The following MIPOL1 variants were observed in gnomAD, a reference collection of about 807,000 sequenced individuals.
MIPOL1 encodes mirror-image polydactyly gene 1 protein.
Under a neutral mutation model 60.9 loss-of-function variants are expected in MIPOL1, and 57 were observed. The observed-to-expected ratio is 0.94, with a 90% CI of 0.76 to 1.17. The LOEUF (loss-of-function observed/expected upper bound fraction) is 1.17, where lower values mean the gene tolerates loss of function less well. Ranked by LOEUF, MIPOL1 falls within the 50% of genes most tolerant of loss-of-function variation. The probability of loss-of-function intolerance (pLI) is 0.00; values close to 1 mark genes in which losing one functional copy is unlikely to be tolerated. For missense variants in MIPOL1, 551 were observed against 511.6 expected (o/e 1.08, Z -0.74); for synonymous variants, 179 against 168.8 (o/e 1.06, Z -0.47).
At chr14:37,365,208 T>C (rs2092428029) in intron 9 of MIPOL1, among the ~76,000 whole-genome samples, 1 of 152,190 alleles carries the variant, frequency 6.6e-6, no homozygotes, top group Admixed American at 6.5e-5. Context: ...TTTCTTTCTC[T>C]TGTCCGATTG....
At chr14:37,374,178 C>CTTCTTTT (rs1338341806) in intron 10 of MIPOL1, among the ~76,000 whole-genome samples, 1 of 152,112 alleles carries the variant, frequency 6.6e-6, no homozygotes, top group Non-Finnish European at 1.5e-5. Flanking sequence ...GCATAAATGT[C>CTTCTTTT]TTCTTTTGAG....
At chr14:37,213,984 C>T (rs1249901857) in intron 1 of MIPOL1, among the ~76,000 whole-genome samples, 3 of 152,084 alleles carry the variant, frequency 2.0e-5, no homozygotes, top group Admixed American at 1.3e-4. Context: ...CAAAAATATC[C>T]TTCAAACATG....
chr14:37,532,812 A>G (rs2095487558), intron 12 of MIPOL1, among the ~76,000 whole-genome samples: 1 of 152,144 alleles, frequency 6.6e-6, no homozygotes, highest in Non-Finnish European at 1.5e-5. Context: ...ATATGTGCTT[A>G]TTAGCTTATG....
chr14:37,307,370 G>A (rs1288226349), intron 7 of MIPOL1, among the ~76,000 whole-genome samples: 4 of 151,716 alleles, frequency 2.6e-5, no homozygotes, highest in African/African-American at 9.7e-5. Flanking sequence ...TACCTTTACT[G>A]CATTTCTTTA....
intron 4 of MIPOL1, among the ~76,000 whole-genome samples, chr14:37,267,976 C>T (rs2083006771): frequency 6.6e-6 from 1 of 152,086 alleles, no homozygotes; most frequent in Non-Finnish European, 1.5e-5. Context: ...GCCTACCTAG[C>T]TCATGAAAGG....
intron 11 of MIPOL1, among the ~76,000 whole-genome samples, chr14:37,454,362 A>G (rs1166912508): frequency 6.6e-6 from 1 of 152,210 alleles, no homozygotes; most frequent in Non-Finnish European, 1.5e-5. Flanking sequence ...TAGGCAGTCT[A>G]CCACAGAAGG....
chr14:37,383,503 AT>A (rs1223043062), intron 10 of MIPOL1, among the ~76,000 whole-genome samples: 1 of 151,836 alleles, frequency 6.6e-6, no homozygotes, highest in Non-Finnish European at 1.5e-5. Context: ...ACATTTGTCC[AT>A]TGTGTTTTTG....
At chr14:37,262,799 A>G (rs2082605448) in intron 3 of MIPOL1, among the ~76,000 whole-genome samples, 1 of 152,102 alleles carries the variant, frequency 6.6e-6, no homozygotes, top group African/African-American at 2.4e-5. Context: ...CCCAGTGGGA[A>G]CCCTAGAGAC....
chr14:37,386,462 C>A (rs969377094), intron 10 of MIPOL1, among the ~76,000 whole-genome samples: 5 of 151,836 alleles, frequency 3.3e-5, no homozygotes, highest in Non-Finnish European at 5.9e-5. Context: ...ATAAATTGAT[C>A]TTGTTTCTCC....
chr14:37,499,086 G>T (rs909550794), intron 11 of MIPOL1, among the ~76,000 whole-genome samples: 3 of 152,018 alleles, frequency 2.0e-5, no homozygotes, highest in Admixed American at 6.6e-5. Context: ...CTCCTGTGTG[G>T]AGTTTAAATT....
chr14:37,420,591 C>T (rs1257327717), intron 10 of MIPOL1, among the ~76,000 whole-genome samples: 2 of 152,042 alleles, frequency 1.3e-5, no homozygotes, highest in Admixed American at 1.3e-4. Context: ...TTGAGTGTTT[C>T]AACAATGCAT....
At chr14:37,220,473 C>T (rs1968560163) in intron 1 of MIPOL1, among the ~76,000 whole-genome samples, 2 of 152,110 alleles carry the variant, frequency 1.3e-5, no homozygotes, top group Admixed American at 1.3e-4. Context: ...TTATGTCAAA[C>T]AGCTTATTGC....
chr14:37,464,193 A>G (rs925160751), intron 11 of MIPOL1, among the ~76,000 whole-genome samples: 5 of 152,202 alleles, frequency 3.3e-5, no homozygotes, highest in Admixed American at 2.6e-4. Context: ...GGAAAACAGT[A>G]TGGAGATTTC....
intron 9 of MIPOL1, among the ~76,000 whole-genome samples, chr14:37,330,493 T>A (rs1399093302): frequency 6.6e-6 from 1 of 152,132 alleles, no homozygotes. Flanking sequence ...TGATTCCATA[T>A]AATTAACAGT....
At chr14:37,328,706 G>T (rs2089417735) in intron 9 of MIPOL1, among the ~76,000 whole-genome samples, 1 of 152,128 alleles carries the variant, frequency 6.6e-6, no homozygotes, top group Admixed American at 6.5e-5. Flanking sequence ...GAGGAGCACT[G>T]CTCTAAATGA....
Position 37,241,223 on chromosome 14 carries a change from A to G in MIPOL1, c.-198-5880A>G, listed in dbSNP as rs188799522. On this transcript the variant is annotated intron_variant, in intron 1 of 12. Coordinates refer to ENST00000684589, the MANE Select transcript of MIPOL1 (RefSeq NM_001388067.1). ...GCTGAAGGCAGTAAGGCAAAAGGAG[A>G]TCCCTCTTGCTTTCTAGAGGTCAGT... 2.6e-5 allele frequency among the ~76,000 whole-genome samples: 4 copies of G among 152,190 alleles called. No homozygotes were observed. In the East Asian group the frequency reaches 5.8e-4, roughly 22 times the overall value.
intron 10 of MIPOL1, among the ~76,000 whole-genome samples, chr14:37,412,284 T>A (rs1303128458): frequency 2.0e-5 from 3 of 152,184 alleles, no homozygotes; most frequent in Non-Finnish European, 4.4e-5. Context: ...ATTGTATTCA[T>A]GTTTTGGGAC....
At chr14:37,491,841 A>G (rs1421581323) in intron 11 of MIPOL1, among the ~76,000 whole-genome samples, 2 of 152,212 alleles carry the variant, frequency 1.3e-5, no homozygotes, top group Admixed American at 1.3e-4. Flanking sequence ...GAAGCAAATC[A>G]TTGAAGTTAC....
intron 4 of MIPOL1, among the ~76,000 whole-genome samples, chr14:37,267,575 G>T (rs80103655): frequency 0.031 from 4,733 of 151,522 alleles, 216 homozygotes; most frequent in East Asian, 0.24. Context: ...TTTCTTTTTG[G>T]TGTTGGCTAA....
Sources: gnomAD v4.1 joint callset for allele counts (sites outside exome capture counted in the v4.1 genomes callset) on GRCh38, gnomAD v4.1.1 for gene constraint, MANE v1.5 for transcripts, NCBI Gene and HGNC (gene_info 2026-07-23, HGNC 2026-07-21) for gene names.